Variants in BORCS8 observed in about 807,000 individuals in gnomAD.
The protein encoded by BORCS8 is BLOC-1 related complex subunit 8, also known as BLOC-1-related complex subunit 8.
Under a neutral mutation model 18.7 loss-of-function variants are expected in BORCS8, and 13 were observed. That is an observed-to-expected ratio of 0.70 (90% CI 0.45 to 1.11). The LOEUF is 1.11. Ranked by LOEUF, BORCS8 falls within the 50% of genes least tolerant of loss-of-function variation. The pLI is 0.00. For synonymous variants in BORCS8, 68 were observed against 64.8 expected, an observed-to-expected ratio of 1.05 and a Z score of -0.24; for missense variants, 165 against 165.7, an observed-to-expected ratio of 1.00 and a Z score of 0.02.
At chr19:19,179,237 G>C (rs1189145537) in intron 5 of BORCS8, 1 of 152,502 alleles carries the variant, frequency 6.6e-6, no homozygotes, top group Non-Finnish European at 1.5e-5. Context: ...GTAGGGCACT[G>C]GGCTGGGCTG....
intron 5 of BORCS8, chr19:19,179,857 A>C (rs1445262288): frequency 6.5e-6 from 1 of 152,762 alleles, no homozygotes; most frequent in East Asian, 1.9e-4. Flanking sequence ...AGCACTCTGC[A>C]TGGGAGCCGC....
chr19:19,177,847 C>G lies in BORCS8; in HGVS notation c.*43-387G>C, dbSNP rs533090188. 3.2e-5 allele frequency: 5 copies of G among 154,924 alleles called. No individual in the cohort carries two copies. In the East Asian group the frequency reaches 7.5e-4, roughly 23 times the overall value. The allele number at this position is 154,924 out of a possible 1,614,324, so 9.6% of individuals were successfully genotyped here. A position where few individuals can be genotyped will look rare whatever the true frequency, so the allele number is the denominator to read the frequency against. On this transcript the variant is annotated intron_variant, in intron 5 of 5. Transcript: ENST00000462790. ...CAGGCAGGGCTGGGACCAAACCAAG[C>G]CGGGCTCTGCTCTTCTCTGACTGTG...
At chr19:19,188,962 G>A (rs1298117892) in intron 1 of BORCS8, among the ~76,000 whole-genome samples, 1 of 152,018 alleles carries the variant, frequency 6.6e-6, no homozygotes, top group Non-Finnish European at 1.5e-5. Context: ...AGCCTCCCGA[G>A]TAGCTGGGAT....
chr19:19,183,796 C>G (rs938509123), intron 3 of BORCS8, among the ~76,000 whole-genome samples: 1 of 150,396 alleles, frequency 6.6e-6, no homozygotes, highest in Non-Finnish European at 1.5e-5. Context: ...TCTCAAACTC[C>G]TGACCTCAGG....
At chr19:19,180,238 A>G in intron 5 of BORCS8, 1 of 203,082 alleles carries the variant, frequency 4.9e-6, no homozygotes, top group South Asian at 7.0e-5. Flanking sequence ...AGGGTAGTGA[A>G]TTTGCTCGGT....
rs770133853 is a variant in BORCS8 at position 19,186,922 on chromosome 19, G to A, written c.121C>T (p.Arg41Cys). The change falls in exon 2 of 6, where the codon CGC (arginine) becomes TGC (cysteine). Residue 41 changes from arginine (R) to cysteine (C), a missense_variant. Coordinates refer to ENST00000462790, the MANE Select transcript of BORCS8 (RefSeq NM_001145784.2). ...TGCTGGGCCAGCTCGGGGAGGGAGC[G>A]ACGCACATGCTCCTGCAGCCGGTAC... The part of the protein sequence containing the change: ...ALYRLQEHVR[R>C]SLPELAQHKA... 18 of 1,550,810 alleles carry A rather than the reference G, an allele frequency of 1.2e-5. No homozygotes were observed. Among genetic ancestry groups the A allele is most frequent in the Non-Finnish European group, 1.5e-5 (17 of 1,146,816 alleles).
At chr19:19,181,947 TTC>T (rs1309890108) in intron 4 of BORCS8, 2 of 985,332 alleles carry the variant, frequency 2.0e-6, no homozygotes, top group African/African-American at 3.5e-5. Context: ...TCTTCAAAAA[TTC>T]TCTTTCCAAT....
At chr19:19,189,928 A>T (rs577624976) in intron 1 of BORCS8, among the ~76,000 whole-genome samples, 1 of 152,086 alleles carries the variant, frequency 6.6e-6, no homozygotes, top group Non-Finnish European at 1.5e-5. Context: ...AAAAAAAAAA[A>T]ATTAAATGCC....
intron 1 of BORCS8, among the ~76,000 whole-genome samples, chr19:19,190,540 G>T (rs956590303): frequency 1.3e-5 from 2 of 152,254 alleles, no homozygotes. Context: ...TGTAATTCCA[G>T]AACTTTGGGA....
At chr19:19,188,904 G>C (rs1195061769) in intron 1 of BORCS8, among the ~76,000 whole-genome samples, 1 of 151,546 alleles carries the variant, frequency 6.6e-6, no homozygotes, top group Non-Finnish European at 1.5e-5. Context: ...GTGTAATCTC[G>C]GCTCACTGCA....
At chr19:19,183,826 T>C (rs2060377235) in intron 3 of BORCS8, among the ~76,000 whole-genome samples, 1 of 151,656 alleles carries the variant, frequency 6.6e-6, no homozygotes, top group Admixed American at 6.6e-5. Flanking sequence ...TGCCTCGGCC[T>C]CCAAAAGTGC....
chr19:19,185,905 C>A (rs980673422), intron 3 of BORCS8, 129 bp downstream of exon 3: 47 of 907,112 alleles, frequency 5.2e-5, no homozygotes, highest in Non-Finnish European at 8.0e-5. Context: ...GTGGTACAGA[C>A]CCCATACACC....
Position 19,180,426 on chromosome 19 carries a change from C to T in BORCS8, c.*42+260G>A, listed in dbSNP as rs1031206269. ...GGGGGGTGGAAATCTCTGGGACTAG[C>T]ATGGGGCCTATGGCCTGGAAAAGAG... is the stretch of plus-strand genomic sequence containing the variant. On this transcript the variant is annotated intron_variant, in intron 5 of 5. Coordinates refer to ENST00000462790, the MANE Select transcript of BORCS8 (RefSeq NM_001145784.2). The T allele has an allele frequency of 2.0e-5, 11 of 544,602 alleles. No homozygotes were observed. In the Admixed American group the frequency reaches 3.6e-4, roughly 18 times the overall value. 33.7% of individuals were successfully genotyped at this position (544,602 alleles called of 1,614,324 possible). A position where few individuals can be genotyped will look rare whatever the true frequency, so the allele number is the denominator to read the frequency against.
intron 3 of BORCS8, among the ~76,000 whole-genome samples, chr19:19,185,618 G>A (rs779707057): frequency 3.9e-5 from 6 of 152,166 alleles, no homozygotes; most frequent in East Asian, 1.9e-4. Context: ...CTTGAGAGGC[G>A]GACGTTGCAG....
At chr19:19,184,747 G>A (rs11668300) in intron 3 of BORCS8, among the ~76,000 whole-genome samples, 23,981 of 151,906 alleles carry the variant, frequency 0.16, 2,118 homozygotes, top group East Asian at 0.37. Flanking sequence ...CTAGAGGTGT[G>A]TGCCACCAGG....
intron 1 of BORCS8, among the ~76,000 whole-genome samples, chr19:19,188,315 A>G (rs969819619): frequency 6.6e-6 from 1 of 152,082 alleles, no homozygotes; most frequent in East Asian, 1.9e-4. Context: ...GGCATGAGCC[A>G]CCGCGCCCGG....
At chr19:19,183,424 A>T (rs116477443) in intron 3 of BORCS8, among the ~76,000 whole-genome samples, 6,178 of 151,294 alleles carry the variant, frequency 0.041, 189 homozygotes, top group East Asian at 0.072. Flanking sequence ...AAAAAAAAAA[A>T]ATATACATTT....
At chr19:19,177,698 GAAAAGAAAAGAAAAGAAAAGAA>G (rs2060311481) in intron 5 of BORCS8, 3 of 39,266 alleles carry the variant, frequency 7.6e-5, no homozygotes, top group Admixed American at 3.2e-4. Flanking sequence ...GGAAGGAAGA[GAAAAGAAAAGAAAAGAAAAGAA>G]AAGAAAAGAA....
chr19:19,186,232 C>T, intron 2 of BORCS8, 134 bp from the exon 3 acceptor site: 1 of 826,898 alleles, frequency 1.2e-6, no homozygotes. Flanking sequence ...CAACTCCCTT[C>T]CCTCACAGGT....
Sources: allele counts gnomAD v4.1 joint callset (sites outside exome capture counted in the v4.1 genomes callset), GRCh38; gene constraint gnomAD v4.1.1; transcripts MANE v1.5; gene names NCBI Gene and HGNC (gene_info 2026-07-23, HGNC 2026-07-21).